TMEM135: variants seen among roughly 807,000 people sequenced by gnomAD.
TMEM135 encodes the protein peroxisomal membrane protein 52.
Under a neutral mutation model 60.3 loss-of-function variants are expected in TMEM135, and 30 were observed. That is an observed-to-expected ratio of 0.50 (90% CI 0.37 to 0.68). The LOEUF (loss-of-function observed/expected upper bound fraction) is 0.68, where lower values mean the gene tolerates loss of function less well. Among genes scored for constraint, TMEM135 ranks in the 30% least tolerant of loss-of-function variants. The pLI, the probability that TMEM135 is intolerant of heterozygous loss-of-function variation, is 0.00. For synonymous variants in TMEM135, 190 were observed against 186.7 expected (o/e 1.02, Z -0.14); for missense variants, 468 against 548.8 (o/e 0.85, Z 1.47).
At chr11:87,245,315 A>T (rs1941241420) in intron 6 of TMEM135, among the ~76,000 whole-genome samples, 1 of 141,896 alleles carries the variant, frequency 7.0e-6, no homozygotes, top group Non-Finnish European at 1.5e-5. Context: ...TGCTGAAAAA[A>T]ATATATATTC....
intron 5 of TMEM135, among the ~76,000 whole-genome samples, chr11:87,166,014 C>T (rs1376071956): frequency 6.6e-6 from 1 of 150,916 alleles, no homozygotes; most frequent in Non-Finnish European, 1.5e-5. Flanking sequence ...TTCCTTGACA[C>T]ATACACTCTC....
chr11:87,295,733 T>TA (rs762196174), intron 6 of TMEM135, 49 bp from the exon 7 acceptor site: 10 of 1,495,008 alleles, frequency 6.7e-6, no homozygotes, highest in Non-Finnish European at 9.2e-6. Flanking sequence ...AATAGGTACT[T>TA]GTATCTCAAA....
chr11:87,094,308 G>C (rs766520035), intron 4 of TMEM135, among the ~76,000 whole-genome samples: 1 of 152,104 alleles, frequency 6.6e-6, no homozygotes, highest in Non-Finnish European at 1.5e-5. Flanking sequence ...TTCTGAAGCC[G>C]TCACGCTACA....
intron 5 of TMEM135, among the ~76,000 whole-genome samples, chr11:87,162,436 T>C (rs1591066779): frequency 6.6e-6 from 1 of 152,168 alleles, no homozygotes; most frequent in East Asian, 1.9e-4. Context: ...GTGTTCTCAT[T>C]GTTCAACTCC....
chr11:87,078,498 A>G (rs1856919127), intron 3 of TMEM135, among the ~76,000 whole-genome samples: 1 of 152,290 alleles, frequency 6.6e-6, no homozygotes, highest in South Asian at 2.1e-4. Context: ...TATAATTTGC[A>G]AATATTTTCT....
chr11:87,170,553 C>G (rs1939206317), intron 5 of TMEM135, among the ~76,000 whole-genome samples: 1 of 152,166 alleles, frequency 6.6e-6, no homozygotes, highest in Non-Finnish European at 1.5e-5. Flanking sequence ...CCCTATGCTG[C>G]AGGTCTGTTG....
At chr11:87,091,252 C>A in intron 3 of TMEM135, 110 bp from the exon 4 acceptor site, 1 of 969,482 alleles carries the variant, frequency 1.0e-6, no homozygotes, top group Non-Finnish European at 1.6e-6. Context: ...GATACCAGTA[C>A]GTTTCTCAAT....
intron 11 of TMEM135, 108 bp downstream of exon 11, chr11:87,313,596 T>C (rs1046362733): frequency 3.0e-6 from 3 of 994,856 alleles, no homozygotes; most frequent in Non-Finnish European, 4.7e-6. Flanking sequence ...CCTTTCTCTA[T>C]CGTAATAGAA....
chr11:87,054,933 C>T (rs1949878924), intron 1 of TMEM135, among the ~76,000 whole-genome samples: 2 of 152,124 alleles, frequency 1.3e-5, no homozygotes, highest in African/African-American at 4.8e-5. Flanking sequence ...TCTTCATTTC[C>T]TTTCACTGTC....
chr11:87,161,738 A>G (rs1938886765), intron 5 of TMEM135, among the ~76,000 whole-genome samples: 1 of 152,170 alleles, frequency 6.6e-6, no homozygotes, highest in South Asian at 2.1e-4. Flanking sequence ...CTATTGTTTG[A>G]ATTTTTAAAA....
chr11:87,180,319 A>C (rs1939484199), intron 5 of TMEM135, among the ~76,000 whole-genome samples: 1 of 152,104 alleles, frequency 6.6e-6, no homozygotes, highest in African/African-American at 2.4e-5. Flanking sequence ...TAGCCCAAAG[A>C]ATGAGGGGAG....
Position 87,204,821 on chromosome 11 carries a change from A to G in TMEM135, c.463-31817A>G, listed in dbSNP as rs183799903. 9.9e-4 allele frequency among the ~76,000 whole-genome samples: 150 copies of G among 152,244 alleles called. 1 individual carries two copies. The highest frequency in any genetic ancestry group is 3.6e-3 in the African/African-American group (149 of 41,570). On this transcript the variant is annotated intron_variant, in intron 5 of 14. Transcript: ENST00000305494. ...GGCAGAGGTGGAAGAAAATCAACAT[A>G]CAAATGGATCTGCACAGTTCATACT...
At chr11:87,098,025 T>C (rs1474425472) in intron 4 of TMEM135, among the ~76,000 whole-genome samples, 2 of 152,230 alleles carry the variant, frequency 1.3e-5, no homozygotes, top group African/African-American at 4.8e-5. Context: ...TTTTTGTGTG[T>C]TTTATACATT....
intron 6 of TMEM135, among the ~76,000 whole-genome samples, chr11:87,245,664 G>A (rs1941252017): frequency 7.4e-6 from 1 of 134,454 alleles, no homozygotes; most frequent in African/African-American, 2.9e-5. Flanking sequence ...TCAGAGACTA[G>A]GATTGCAACC....
At position 87,044,108 on chromosome 11, in the gene TMEM135, A is replaced by G. The variant is rs778251383; in HGVS notation, c.141+5922A>G. Reference sequence around the variant, plus strand: ...CAGTGGATGAACATGTTTACTCAATATTTACTCCCTTTGAACCATGTAATC... The same window carrying G: ...CAGTGGATGAACATGTTTACTCAATGTTTACTCCCTTTGAACCATGTAATC... On this transcript the variant is annotated intron_variant, in intron 1 of 14. Transcript: ENST00000305494. Among the ~76,000 whole-genome samples the G allele has an allele frequency of 4.3e-4, 66 of 152,256 alleles. No homozygotes were observed. The Middle Eastern group carries it at 0.014, about 31-fold the overall frequency.
intron 4 of TMEM135, among the ~76,000 whole-genome samples, chr11:87,098,698 TA>T (rs563746175): frequency 2.5e-3 from 385 of 151,872 alleles, no homozygotes; most frequent in Non-Finnish European, 4.7e-3. Context: ...TATATATATA[TA>T]TTTTTTTGAG....
intron 4 of TMEM135, among the ~76,000 whole-genome samples, chr11:87,101,067 T>A (rs1857447045): frequency 6.6e-6 from 1 of 152,174 alleles, no homozygotes; most frequent in African/African-American, 2.4e-5. Flanking sequence ...AGTACCCAAT[T>A]TAAAAAATAG....
chr11:87,205,805 G>A (rs301595), intron 5 of TMEM135, among the ~76,000 whole-genome samples: 78,968 of 151,870 alleles, frequency 0.52, 21,693 homozygotes, highest in East Asian at 0.73. Context: ...CTTGTTTTGA[G>A]TCTGTGCCAC....
intron 5 of TMEM135, among the ~76,000 whole-genome samples, chr11:87,176,168 T>A (rs1234462289): frequency 2.0e-5 from 3 of 152,128 alleles, no homozygotes; most frequent in Admixed American, 6.6e-5. Flanking sequence ...TGGGGGCAGA[T>A]TCCTTATCAA....
Sources: gnomAD v4.1 joint callset for allele counts (sites outside exome capture counted in the v4.1 genomes callset) on GRCh38, gnomAD v4.1.1 for gene constraint, MANE v1.5 for transcripts, NCBI Gene and HGNC (gene_info 2026-07-23, HGNC 2026-07-21) for gene names.